The following UEVLD variants were observed in gnomAD, a reference collection of about 807,000 sequenced individuals.
UEVLD encodes UEV and lactate/malate dehyrogenase domains, also known as ubiquitin-conjugating enzyme E2 variant 3.
In UEVLD, 47 loss-of-function variants were observed where a neutral mutation model predicts 58.6. The observed-to-expected ratio is 0.80, with a 90% CI of 0.63 to 1.02. The LOEUF is 1.02. UEVLD is among the 50% of genes least tolerant of loss of function. The pLI is 0.00. For synonymous variants in UEVLD, 197 were observed against 195.3 expected (o/e 1.01, Z -0.07); for missense variants, 510 against 550.6 (o/e 0.93, Z 0.74).
At chr11:18,583,611 A>G (rs1853376909) in intron 1 of UEVLD, among the ~76,000 whole-genome samples, 1 of 149,410 alleles carries the variant, frequency 6.7e-6, no homozygotes, top group Non-Finnish European at 1.5e-5. Flanking sequence ...ATCATTTATT[A>G]AAAGAAGTTT....
intron 3 of UEVLD, among the ~76,000 whole-genome samples, chr11:18,574,945 T>C (rs1310555868): frequency 9.2e-5 from 14 of 152,178 alleles, no homozygotes; most frequent in Admixed American, 9.2e-4. Flanking sequence ...TTGCTTTCCT[T>C]TGTACCCTGG....
chr11:18,566,628 G>C, intron 4 of UEVLD, 146 bp from the exon 5 acceptor site: 1 of 771,948 alleles, frequency 1.3e-6, no homozygotes, highest in Non-Finnish European at 2.0e-6. Flanking sequence ...TTGGGCAACA[G>C]AATGAGACTT....
chr11:18,541,926 G>A (rs1384862893), intron 9 of UEVLD, among the ~76,000 whole-genome samples: 1 of 152,134 alleles, frequency 6.6e-6, no homozygotes, highest in African/African-American at 2.4e-5. Context: ...CTTTTACAAT[G>A]CCTGCATTCA....
intron 1 of UEVLD, among the ~76,000 whole-genome samples, chr11:18,579,195 G>A (rs565922219): frequency 6.6e-5 from 10 of 152,138 alleles, no homozygotes; most frequent in South Asian, 2.1e-4. Context: ...GACAATTTAC[G>A]GTGTGGTAGG....
At chr11:18,555,374 C>T (rs1453057258) in intron 7 of UEVLD, among the ~76,000 whole-genome samples, 5 of 150,868 alleles carry the variant, frequency 3.3e-5, no homozygotes, top group Admixed American at 2.6e-4. Context: ...TGCAGTGAGC[C>T]GAGATCGTGC....
chr11:18,578,652 T>G (rs1358995653), intron 2 of UEVLD, 72 bp downstream of exon 2: 1 of 1,030,564 alleles, frequency 9.7e-7, no homozygotes, highest in Non-Finnish European at 1.5e-6. Context: ...AATTACAATT[T>G]TGCAGCTCTT....
intron 7 of UEVLD, among the ~76,000 whole-genome samples, chr11:18,551,765 T>A (rs1478792375): frequency 6.6e-6 from 1 of 152,194 alleles, no homozygotes; most frequent in Admixed American, 6.5e-5. Flanking sequence ...CAGAAAAAAC[T>A]ATATCCTTCC....
At chr11:18,573,755 T>C (rs956630981) in intron 3 of UEVLD, among the ~76,000 whole-genome samples, 2 of 152,070 alleles carry the variant, frequency 1.3e-5, no homozygotes, top group African/African-American at 4.8e-5. Context: ...CAACAAGTCA[T>C]GACTGGGGGT....
chr11:18,534,091 C>T (rs1850689315), intron 11 of UEVLD, among the ~76,000 whole-genome samples: 1 of 152,148 alleles, frequency 6.6e-6, no homozygotes, highest in Non-Finnish European at 1.5e-5. Flanking sequence ...TGTCACATGC[C>T]TGGCAAAGTT....
At chr11:18,562,349 C>T in intron 6 of UEVLD, among the ~76,000 whole-genome samples, 1 of 151,740 alleles carries the variant, frequency 6.6e-6, no homozygotes, top group Non-Finnish European at 1.5e-5. Flanking sequence ...CGAGACCAGC[C>T]TGGCCAACAT....
chr11:18,561,086 G>A (rs1212215238), intron 6 of UEVLD, among the ~76,000 whole-genome samples: 2 of 152,114 alleles, frequency 1.3e-5, no homozygotes, highest in Non-Finnish European at 1.5e-5. Context: ...AAGAACTCAG[G>A]TGGTACCAAT....
In UEVLD at chr11:18,546,984, G is replaced by A. The variant is rs757673514; in HGVS notation, c.782C>T (p.Ser261Leu). 3.7e-6 allele frequency: 6 copies of A among 1,614,030 alleles called. No individual in the cohort carries two copies. The Admixed American group carries it at 5.0e-5, about 13-fold the overall frequency. Residue 261 changes from serine to leucine, a missense_variant, in exon 8 of 12, where the codon TCG (serine) becomes TTG (leucine). By Grantham distance (145) the Ser-to-Leu change is moderately radical. Coordinates refer to ENST00000396197, the MANE Select transcript of UEVLD (RefSeq NM_001040697.4). ...ATTGCTCTGTACCACATCAAGGTAC[G>A]ACTGAGAACTACCCAAAGAGTTGAC... ...FTVNSLGSSQ[S>L]YLDVVQSNVD...
chr11:18,534,437 T>A lies in UEVLD; in HGVS notation c.1141A>T (p.Arg381Ter). ...QLSNRAMELL[R>*]VKGQRSWSVG... ...GACCAGGATCTTTGACCTTTTACTC[T>A]TAGCAGTTCCATGGCTCTAGGTTAC... is the stretch of plus-strand genomic sequence containing the variant. The change falls in exon 11 of 12, where the codon AGA becomes TGA. Residue 381 changes from arginine (R) to a stop codon, truncating the protein, a stop_gained. Coordinates refer to ENST00000396197, the MANE Select transcript of UEVLD (RefSeq NM_001040697.4). LOFTEE classifies it high-confidence loss of function. 6.4e-7 allele frequency: 1 copy of A among 1,572,158 alleles called. No individual in the cohort carries two copies. Among genetic ancestry groups the A allele is most frequent in the Non-Finnish European group, 8.6e-7 (1 of 1,167,444 alleles).
chr11:18,541,208 A>G (rs1448066414), intron 9 of UEVLD, among the ~76,000 whole-genome samples: 1 of 152,228 alleles, frequency 6.6e-6, no homozygotes, highest in East Asian at 1.9e-4. Flanking sequence ...TATATCAACT[A>G]TTCCTCAAAA....
At chr11:18,563,437 C>G (rs1179797228) in intron 6 of UEVLD, among the ~76,000 whole-genome samples, 1 of 151,216 alleles carries the variant, frequency 6.6e-6, no homozygotes, top group Non-Finnish European at 1.5e-5. Context: ...CAAAAAAATA[C>G]AAGAATTAGT....
In UEVLD at chr11:18,588,696, CG is replaced by C; in HGVS notation, c.-43del. On this transcript the variant is annotated 5_prime_UTR_variant, in exon 1 of 12. Transcript: ENST00000396197. The stretch of plus-strand genomic sequence containing the variant: ...AGCTAGGTCCCAGGACTCCAGCCCC[CG>C]GACCTTCTTCCGGACTTGCTGCAGG... 6.3e-7 allele frequency: 1 copy of C among 1,598,188 alleles called. No homozygotes were observed. The highest frequency in any genetic ancestry group is 8.5e-7 in the Non-Finnish European group (1 of 1,176,762).
In UEVLD at chr11:18,567,136, A is replaced by G. The variant is rs112830418; in HGVS notation, c.358-654T>C. On this transcript the variant is annotated intron_variant, in intron 4 of 11. Coordinates refer to ENST00000396197, the MANE Select transcript of UEVLD (RefSeq NM_001040697.4). Reference sequence around the variant, plus strand: ...TGTATATTTCCTAAAAGAAAAAGACATTCTCCTTTTAACCGTTATCAAATC... The same window carrying G: ...TGTATATTTCCTAAAAGAAAAAGACGTTCTCCTTTTAACCGTTATCAAATC... 7.3e-3 allele frequency among the ~76,000 whole-genome samples: 1,119 copies of G among 152,318 alleles called. 12 individuals are homozygous for G. The highest frequency in any genetic ancestry group is 0.026 in the African/African-American group (1,068 of 41,576).
Position 18,566,408 on chromosome 11 carries a change from T to TA in UEVLD, c.431dup (p.Ser145IlefsTer4). ...CCTGCCGTGCCTCATCAGATGATGA[T>TA]AGAGAATACATGGGAAGTTCCTCTT... On this transcript the variant is annotated frameshift_variant, in exon 5 of 12. Transcript: ENST00000396197. LOFTEE classifies it high-confidence loss of function. 6.2e-7 allele frequency: 1 copy of TA among 1,614,170 alleles called. No individual in the cohort carries two copies. The highest frequency in any genetic ancestry group is 8.5e-7 in the Non-Finnish European group (1 of 1,180,020).
At chr11:18,573,744 G>A (rs1030737665) in intron 3 of UEVLD, among the ~76,000 whole-genome samples, 1 of 152,148 alleles carries the variant, frequency 6.6e-6, no homozygotes, top group African/African-American at 2.4e-5. Flanking sequence ...TGCATCTCTA[G>A]CAACAAGTCA....
Sources: gnomAD v4.1 joint callset for allele counts (sites outside exome capture counted in the v4.1 genomes callset) on GRCh38, gnomAD v4.1.1 for gene constraint, MANE v1.5 for transcripts, NCBI Gene and HGNC (gene_info 2026-07-23, HGNC 2026-07-21) for gene names.